The following KLHL29 variants were observed in gnomAD, a reference collection of about 807,000 sequenced individuals.
KLHL29 encodes the protein kelch-like protein 29.
KLHL29 carries 21 observed loss-of-function variants against 80.4 expected under a neutral mutation model. That is an observed-to-expected ratio of 0.26 (90% CI 0.19 to 0.38). The LOEUF (loss-of-function observed/expected upper bound fraction) is 0.38, where lower values mean the gene tolerates loss of function less well. Ranked by LOEUF, KLHL29 falls within the 10% of genes least tolerant of loss-of-function variation. The probability of loss-of-function intolerance (pLI) is 1.00; values close to 1 mark genes in which losing one functional copy is unlikely to be tolerated. For synonymous variants in KLHL29, 511 were observed against 526.8 expected (o/e 0.97, Z 0.41); for missense variants, 867 against 1,223.9 (o/e 0.71, Z 4.35).
At chr2:23,563,944 C>G (rs1054987787) in intron 3 of KLHL29, among the ~76,000 whole-genome samples, 2 of 152,268 alleles carry the variant, frequency 1.3e-5, no homozygotes, top group African/African-American at 4.8e-5. Context: ...TGGGCGCCAG[C>G]CCGAGCGCTG....
intron 4 of KLHL29, among the ~76,000 whole-genome samples, chr2:23,641,307 G>A (rs995212521): frequency 6.6e-6 from 1 of 152,194 alleles, no homozygotes; most frequent in East Asian, 1.9e-4. Context: ...GGGTTCTCTT[G>A]TTTCCCCCAG....
chr2:23,529,171 A>G (rs377430780), intron 2 of KLHL29, among the ~76,000 whole-genome samples: 41 of 152,328 alleles, frequency 2.7e-4, no homozygotes, highest in South Asian at 4.1e-4. Context: ...GTGCAGTGGC[A>G]CGATCATAGC....
At position 23,642,433 on chromosome 2, in the gene KLHL29, G is replaced by T. The variant is rs936333301; in HGVS notation, c.523G>T (p.Ala175Ser). The T allele has an allele frequency of 1.3e-6, 2 of 1,496,900 alleles. No individual in the cohort carries two copies. Among genetic ancestry groups the T allele is most frequent in the Non-Finnish European group, 8.9e-7 (1 of 1,117,546 alleles). 92.7% of individuals were successfully genotyped at this position (1,496,900 alleles called of 1,614,324 possible). A position where few individuals can be genotyped will look rare whatever the true frequency, so the allele number is the denominator to read the frequency against. The change falls in exon 5 of 14, where the codon GCT (alanine) becomes TCT (serine). Residue 175 changes from alanine to serine, a missense_variant. Transcript: ENST00000486442. ...GVAQPPTFSP[A>S]VNVQAPVIGV... ...GGCCCAGCCTCCCACCTTCAGCCCG[G>T]CTGTGAACGTCCAGGCCCCGGTCAT... is the stretch of plus-strand genomic sequence containing the variant.
chr2:23,577,748 CAAA>C (rs374208423), intron 3 of KLHL29, among the ~76,000 whole-genome samples: 1 of 118,324 alleles, frequency 8.5e-6, no homozygotes, highest in Non-Finnish European at 1.8e-5. Flanking sequence ...AACTTCATCT[CAAA>C]AAAAAAAAAA....
chr2:23,517,315 C>T lies in KLHL29; in HGVS notation c.-46+41648C>T, dbSNP rs550993830. 5.3e-5 allele frequency among the ~76,000 whole-genome samples: 8 copies of T among 152,290 alleles called. No homozygotes were observed. In the South Asian group the frequency reaches 6.2e-4, roughly 12 times the overall value. On this transcript the variant is annotated intron_variant, in intron 2 of 13. Coordinates refer to ENST00000486442, the MANE Select transcript of KLHL29 (RefSeq NM_052920.2). ...ATCCCAGCACTTTGGGAGGCCGAGG[C>T]GGGTGGATCATGAGGTCAGGAAATC... is the stretch of plus-strand genomic sequence containing the variant.
intron 2 of KLHL29, among the ~76,000 whole-genome samples, chr2:23,522,690 G>A (rs1006758500): frequency 6.6e-6 from 1 of 152,172 alleles, no homozygotes; most frequent in African/African-American, 2.4e-5. Flanking sequence ...GAAACCCATG[G>A]CTCAGTCTCT....
rs535025407 is a variant in KLHL29, at chr2:23,516,259, C to T, written c.-46+40592C>T. Among the ~76,000 whole-genome samples the T allele has an allele frequency of 5.9e-5, 9 of 152,218 alleles. No individual in the cohort carries two copies. The South Asian group carries it at 1.0e-3, about 18-fold the overall frequency. On this transcript the variant is annotated intron_variant, in intron 2 of 13. Coordinates refer to ENST00000486442, the MANE Select transcript of KLHL29 (RefSeq NM_052920.2). ...TGGGGCCATGGGCACCTGCTGGGCCCGGGACTGGGAAGGGCTGACCAGGAG... is the reference window on the plus strand; with the variant it reads ...TGGGGCCATGGGCACCTGCTGGGCCTGGGACTGGGAAGGGCTGACCAGGAG...
chr2:23,579,796 C>T (rs1298693481), intron 3 of KLHL29, among the ~76,000 whole-genome samples: 1 of 152,196 alleles, frequency 6.6e-6, no homozygotes, highest in African/African-American at 2.4e-5. Flanking sequence ...CACCAAGCCT[C>T]ATCTGTCACC....
intron 1 of KLHL29, among the ~76,000 whole-genome samples, chr2:23,395,436 G>A (rs1666426500): frequency 6.6e-6 from 1 of 152,150 alleles, no homozygotes; most frequent in Admixed American, 6.5e-5. Flanking sequence ...AGATAAATTG[G>A]GAATAAGCAT....
At chr2:23,407,086 C>T (rs1177689393) in intron 1 of KLHL29, among the ~76,000 whole-genome samples, 1 of 152,126 alleles carries the variant, frequency 6.6e-6, no homozygotes, top group African/African-American at 2.4e-5. Context: ...CTTAAAAGAC[C>T]ATGTTTCATT....
rs1217422868 is a variant in KLHL29 at position 23,597,309 on chromosome 2, A to ATGTGTGTGTGTGTG, written c.285+34852_285+34865dup. Among the ~76,000 whole-genome samples the ATGTGTGTGTGTGTG allele has an allele frequency of 4.4e-3, 442 of 100,474 alleles. 7 individuals are homozygous for ATGTGTGTGTGTGTG. The highest frequency in any genetic ancestry group is 0.016 in the African/African-American group (399 of 24,528). 65.9% of individuals were successfully genotyped at this position (100,474 alleles called of 152,430 possible). ...CTCTCTCTCTCTCATATATATATAT[A>ATGTGTGTGTGTGTG]TGTGTGTGTGTGTGTGTGTGTGTGT... On this transcript the variant is annotated intron_variant, in intron 3 of 13. Transcript: ENST00000486442.
intron 1 of KLHL29, among the ~76,000 whole-genome samples, chr2:23,430,284 T>C (rs1455782797): frequency 6.6e-6 from 1 of 152,222 alleles, no homozygotes; most frequent in African/African-American, 2.4e-5. Flanking sequence ...GGAAACCATA[T>C]GTTGAGAACA....
rs1665501770 is a variant in KLHL29 at position 23,503,123 on chromosome 2, T to A, written c.-46+27456T>A. The stretch of plus-strand genomic sequence containing the variant: ...CCCTTTGTAAAATTACCCCAGGGCA[T>A]GATAAGAAAAGGAGTAAGCAATTAA... On this transcript the variant is annotated intron_variant, in intron 2 of 13. Transcript: ENST00000486442. This position sits in a 1 kb window ranked among gnomAD's most constrained non-coding sequence, Gnocchi z 4.0. Among the ~76,000 whole-genome samples the A allele has an allele frequency of 1.3e-5, 2 of 152,210 alleles. No individual in the cohort carries two copies. Among genetic ancestry groups the A allele is most frequent in the African/African-American group, 2.4e-5 (1 of 41,458 alleles).
intron 1 of KLHL29, among the ~76,000 whole-genome samples, chr2:23,416,258 A>G (rs548346811): frequency 5.3e-5 from 8 of 152,186 alleles, no homozygotes; most frequent in Non-Finnish European, 7.4e-5. Context: ...CCACTTCTAG[A>G]AAAACACCTA....
At chr2:23,556,544 G>A (rs373398911) in intron 2 of KLHL29, among the ~76,000 whole-genome samples, 1 of 151,626 alleles carries the variant, frequency 6.6e-6, no homozygotes, top group African/African-American at 2.4e-5. Flanking sequence ...CCTGTAATAC[G>A]CAGGAGGCTG....
At chr2:23,651,366 C>T (rs1431730200) in intron 5 of KLHL29, among the ~76,000 whole-genome samples, 1 of 152,182 alleles carries the variant, frequency 6.6e-6, no homozygotes, top group East Asian at 1.9e-4. Context: ...GTTCTGCCCA[C>T]AGGCCTCTCA....
chr2:23,463,920 A>C lies in KLHL29; in HGVS notation c.-153-11640A>C, dbSNP rs531207241. On this transcript the variant is annotated intron_variant, in intron 1 of 13. Coordinates refer to ENST00000486442, the MANE Select transcript of KLHL29 (RefSeq NM_052920.2). The stretch of plus-strand genomic sequence containing the variant: ...TGTTTAACAATCACAGTCACTAATC[A>C]AGGTGCCTGTCCTGGAAAATGTGTA... 3.3e-5 allele frequency among the ~76,000 whole-genome samples: 5 copies of C among 152,334 alleles called. No homozygotes were observed. In the South Asian group the frequency reaches 1.0e-3, roughly 32 times the overall value.
intron 1 of KLHL29, among the ~76,000 whole-genome samples, chr2:23,387,504 TTTATTATTATTATTATTATTATTA>T (rs34918880): frequency 6.8e-5 from 8 of 117,680 alleles, no homozygotes; most frequent in Non-Finnish European, 1.3e-4. Flanking sequence ...TCATTCCTGA[TTTATTATTATTATTATTATTATTA>T]TTATTATTAT....
In KLHL29 at chr2:23,597,375, G is replaced by C. The variant is rs58501633; in HGVS notation, c.285+34894G>C. On this transcript the variant is annotated intron_variant, in intron 3 of 13. Coordinates refer to ENST00000486442, the MANE Select transcript of KLHL29 (RefSeq NM_052920.2). ...TATATGTGTATGTATATATATATGT[G>C]TGTGTGTGTATATATATATATATAT... 8.3e-4 allele frequency among the ~76,000 whole-genome samples: 18 copies of C among 21,650 alleles called. 1 individual carries two copies. The highest frequency in any genetic ancestry group is 3.3e-3 in the African/African-American group (16 of 4,910). 14.2% of individuals were successfully genotyped at this position (21,650 alleles called of 152,430 possible).
Sources: allele counts gnomAD v4.1 joint callset (sites outside exome capture counted in the v4.1 genomes callset), GRCh38; gene constraint gnomAD v4.1.1; non-coding constraint Gnocchi (gnomAD v3.1); transcripts MANE v1.5; gene names NCBI Gene and HGNC (gene_info 2026-07-23, HGNC 2026-07-21).